MAEA: variants seen among roughly 807,000 people sequenced by gnomAD.
The protein encoded by MAEA is E3 ubiquitin-protein transferase MAEA.
MAEA carries 22 observed loss-of-function variants against 46.2 expected under a neutral mutation model. The ratio of observed to expected loss-of-function variants is 0.48; its 90% CI spans 0.34 to 0.68. The LOEUF is 0.68. Ranked by LOEUF, MAEA falls within the 30% of genes least tolerant of loss-of-function variation. MAEA has a pLI of 0.01. For missense variants in MAEA, 393 were observed against 558.1 expected (o/e 0.70, Z 2.98); for synonymous variants, 246 against 222.6 (o/e 1.11, Z -0.94).
Position 1,339,151 on chromosome 4 carries a change from G to GA in MAEA, c.1175dup (p.Val393GlyfsTer10). 1 of 1,613,988 alleles carries GA rather than the reference G, an allele frequency of 6.2e-7. No individual in the cohort carries two copies. The highest frequency in any genetic ancestry group is 8.5e-7 in the Non-Finnish European group (1 of 1,179,992). On this transcript the variant is annotated frameshift_variant, in exon 9 of 9. Coordinates refer to ENST00000303400, the MANE Select transcript of MAEA (RefSeq NM_001017405.3). LOFTEE classifies it high-confidence loss of function. ...AAGTCTTCCACTTCTCACAAGCCGA[G>GA]AAGGTGTACATCATGTAGGCCCCAC... is the stretch of plus-strand genomic sequence containing the variant.
chr4:1,333,471 G>A (rs1048035164), intron 6 of MAEA, among the ~76,000 whole-genome samples: 2 of 152,140 alleles, frequency 1.3e-5, no homozygotes, highest in Admixed American at 6.5e-5. Context: ...GAGTTAGGCT[G>A]CACCGTCTTC....
intron 1 of MAEA, chr4:1,309,843 C>T (rs1736262597): frequency 3.0e-6 from 4 of 1,330,694 alleles, no homozygotes; most frequent in South Asian, 2.0e-5. Flanking sequence ...GGAGCTCTGC[C>T]CTGTGCCTGA....
intron 2 of MAEA, among the ~76,000 whole-genome samples, chr4:1,313,692 A>T (rs1736789508): frequency 6.6e-6 from 1 of 151,760 alleles, no homozygotes; most frequent in Non-Finnish European, 1.5e-5. Context: ...ATGCCACTGC[A>T]CTCTAGCTGG....
At chr4:1,312,303 C>G (rs559887219) in intron 2 of MAEA, 142 bp downstream of exon 2, 25 of 858,352 alleles carry the variant, frequency 2.9e-5, no homozygotes, top group Non-Finnish European at 4.1e-5. Context: ...TGTCTGCCTT[C>G]TGGGGCCACT....
At chr4:1,318,298 C>T (rs1206324675) in intron 3 of MAEA, among the ~76,000 whole-genome samples, 2 of 152,240 alleles carry the variant, frequency 1.3e-5, no homozygotes, top group Non-Finnish European at 2.9e-5. Flanking sequence ...GTGGGTGCCC[C>T]TGGCCCCAGG....
chr4:1,338,201 G>T, intron 7 of MAEA: 1 of 503,566 alleles, frequency 2.0e-6, no homozygotes, highest in Admixed American at 3.4e-5. Flanking sequence ...CTGGAGGCCG[G>T]GGTGAGAAGG....
intron 1 of MAEA, among the ~76,000 whole-genome samples, chr4:1,303,665 G>T (rs60133030): frequency 0.15 from 23,391 of 151,982 alleles, 3,465 homozygotes; most frequent in East Asian, 0.42. Context: ...ACTACAGCGG[G>T]TTCCTTTTTT....
chr4:1,305,523 A>G (rs1164783520), intron 1 of MAEA, among the ~76,000 whole-genome samples: 1 of 152,214 alleles, frequency 6.6e-6, no homozygotes, highest in Non-Finnish European at 1.5e-5. Flanking sequence ...TGGGAGTGGA[A>G]TGGCTGAGTC....
chr4:1,316,212 G>A (rs1262001750), intron 3 of MAEA, among the ~76,000 whole-genome samples: 1 of 152,156 alleles, frequency 6.6e-6, no homozygotes, highest in African/African-American at 2.4e-5. Context: ...GAAACACGTG[G>A]CACCCTTGCC....
intron 1 of MAEA, among the ~76,000 whole-genome samples, chr4:1,305,361 T>C (rs1735727260): frequency 6.6e-6 from 1 of 152,198 alleles, no homozygotes; most frequent in Admixed American, 6.5e-5. Flanking sequence ...CCCCGCTGCT[T>C]CCAGGCGGCG....
rs189869269 is a variant in MAEA, at chr4:1,330,329, C to T, written c.657-2428C>T. The T allele has an allele frequency of 4.1e-3, 277 of 67,066 alleles. 6 individuals are homozygous for T. In the East Asian group the frequency reaches 0.07, roughly 17 times the overall value. The allele number at this position is 67,066 out of a possible 1,614,324, so 4.2% of individuals were successfully genotyped here. A position where few individuals can be genotyped will look rare whatever the true frequency, so the allele number is the denominator to read the frequency against. ...GGGTGTTTCTCTCTCTCTCTCTTTC[C>T]GTGTGTGTGTGTGTGTGTTTTGAGG... On this transcript the variant is annotated intron_variant, in intron 5 of 8. Transcript: ENST00000303400.
chr4:1,332,578 G>C (rs1270873023), intron 5 of MAEA, 179 bp from the exon 6 acceptor site: 19 of 543,324 alleles, frequency 3.5e-5, no homozygotes, highest in Non-Finnish European at 6.4e-5. Flanking sequence ...TTAGCTAGGT[G>C]TGGTGCTGCA....
intron 2 of MAEA, among the ~76,000 whole-genome samples, chr4:1,314,256 G>A (rs2108916805): frequency 6.6e-6 from 1 of 152,066 alleles, no homozygotes; most frequent in East Asian, 1.9e-4. Context: ...GAACCCAGGA[G>A]CTGGAGGTTG....
At position 1,311,679 on chromosome 4, in the gene MAEA, A is replaced by G. The variant is rs1378113945; in HGVS notation, c.70-300A>G. On this transcript the variant is annotated intron_variant, in intron 1 of 8. Transcript: ENST00000303400. This position sits in a 1 kb window ranked among gnomAD's most constrained non-coding sequence, Gnocchi z 4.4. The stretch of plus-strand genomic sequence containing the variant: ...CCCCGGTCACTCCTCTCCTGTTTGG[A>G]AATTTCTTTAACTGTTCGTTATTCT... Among the ~76,000 whole-genome samples the G allele has an allele frequency of 1.3e-5, 2 of 152,176 alleles. No homozygotes were observed. Among genetic ancestry groups the G allele is most frequent in the Non-Finnish European group, 1.5e-5 (1 of 68,004 alleles).
rs60379785 is a variant in MAEA, at chr4:1,337,772, C to T, written c.900-650C>T. On this transcript the variant is annotated intron_variant, in intron 7 of 8. Coordinates refer to ENST00000303400, the MANE Select transcript of MAEA (RefSeq NM_001017405.3). ...GTGACTGACTCCGTCCTGCCTGTGACTCAGCCTCTTACTGACTCTACCCCT... is the reference window on the plus strand; with the variant it reads ...GTGACTGACTCCGTCCTGCCTGTGATTCAGCCTCTTACTGACTCTACCCCT... 3.0e-3 allele frequency: 522 copies of T among 175,348 alleles called. 5 individuals carry two copies. The highest frequency in any genetic ancestry group is 0.012 in the African/African-American group (503 of 41,450). The allele number at this position is 175,348 out of a possible 1,614,324, so 10.9% of individuals were successfully genotyped here. A position where few individuals can be genotyped will look rare whatever the true frequency, so the allele number is the denominator to read the frequency against.
At chr4:1,297,478 T>C (rs1734858797) in intron 1 of MAEA, among the ~76,000 whole-genome samples, 1 of 152,154 alleles carries the variant, frequency 6.6e-6, no homozygotes, top group South Asian at 2.1e-4. Context: ...TGTGTATACA[T>C]ACATATAGAG....
intron 8 of MAEA, 104 bp from the exon 9 acceptor site, chr4:1,338,970 G>A: frequency 1.0e-6 from 1 of 971,064 alleles, no homozygotes; most frequent in Non-Finnish European, 1.6e-6. Context: ...CTTTGCCTGA[G>A]AGGATGAGTC....
At chr4:1,309,739 G>C in intron 1 of MAEA, 1 of 1,507,832 alleles carries the variant, frequency 6.6e-7, no homozygotes. Flanking sequence ...CCTCCTTCAT[G>C]CCTGCGTTCT....
intron 5 of MAEA, 93 bp downstream of exon 5, chr4:1,327,796 ACGTCCCCTGGGT>A (rs1348668585): frequency 1.9e-5 from 18 of 954,222 alleles, no homozygotes; most frequent in East Asian, 1.3e-4. Context: ...GGGTCCTGGG[ACGTCCCCTGGGT>A]CGTCCCCTGG....
Sources: gnomAD v4.1 joint callset for allele counts (sites outside exome capture counted in the v4.1 genomes callset) on GRCh38, gnomAD v4.1.1 for gene constraint, Gnocchi (gnomAD v3.1) non-coding constraint, MANE v1.5 for transcripts, NCBI Gene and HGNC (gene_info 2026-07-23, HGNC 2026-07-21) for gene names.